The following BMX variants were observed in gnomAD, a reference collection of about 807,000 sequenced individuals.
BMX encodes the protein BMX non-receptor tyrosine kinase.
A neutral mutation model predicts 59.2 loss-of-function variants in BMX; 31 were observed. That is an observed-to-expected ratio of 0.52 (90% confidence interval 0.39 to 0.71). The LOEUF is 0.71. BMX is among the 30% of genes least tolerant of loss of function. BMX has a pLI of 0.00. For missense variants in BMX, 474 were observed against 491.7 expected, an observed-to-expected ratio of 0.96 and a Z score of 0.34; for synonymous variants, 185 against 181.0, an observed-to-expected ratio of 1.02 and a Z score of -0.18.
chrX:15,528,197 G>T (rs747158583), intron 9 of BMX, among the ~76,000 whole-genome samples: 1 of 112,212 alleles, frequency 8.9e-6, no homozygotes, highest in African/African-American at 3.2e-5. Context: ...TAGGGCTATA[G>T]GATCTGGGAC....
intron 12 of BMX, among the ~76,000 whole-genome samples, chrX:15,535,865 A>G (rs1043536353): frequency 8.9e-6 from 1 of 112,148 alleles, no homozygotes; most frequent in Non-Finnish European, 1.9e-5. Context: ...ATTAAATTTT[A>G]TAATTACTTT....
rs185160510 is a variant in BMX at position 15,504,140 on chromosome X, G to A, written c.-10+3200G>A. 8.6e-4 allele frequency among the ~76,000 whole-genome samples: 96 copies of A among 111,892 alleles called. 1 individual carries two copies. Among genetic ancestry groups the A allele is most frequent in the African/African-American group, 3.0e-3 (92 of 30,803 alleles). On this transcript the variant is annotated intron_variant, in intron 1 of 18. Coordinates refer to ENST00000348343, the MANE Select transcript of BMX (RefSeq NM_203281.3). ...AAATACCTTACTTGGCTACCTTAAG[G>A]AAAAAACAACTTTTCCTTCCTTGGA...
intron 18 of BMX, among the ~76,000 whole-genome samples, chrX:15,550,297 G>C (rs754793687): frequency 9.0e-6 from 1 of 111,367 alleles, no homozygotes; most frequent in South Asian, 3.8e-4. Flanking sequence ...AGTAAACAAG[G>C]ACTCAGAAAG....
chrX:15,546,949 C>T (rs200151739), intron 17 of BMX, 28 bp downstream of exon 17: 2 of 1,132,082 alleles, frequency 1.8e-6, no homozygotes, highest in Non-Finnish European at 2.4e-6. Flanking sequence ...TACGACCTGG[C>T]CCTGTTTCAT....
At position 15,541,958 on chromosome X, in the gene BMX, A is replaced by G. The variant is rs755067966; in HGVS notation, c.1395-24A>G. The G allele has an allele frequency of 4.5e-5, 53 of 1,180,052 alleles. 1 individual carries two copies. In the East Asian group the frequency reaches 1.5e-3, roughly 34 times the overall value. ...TAGAAAATGGAGTGTGGAGCATTGA[A>G]CTTTGAAAATCTGTTATTTCCAGGA... is the stretch of plus-strand genomic sequence containing the variant. On this transcript the variant is annotated intron_variant, in intron 14 of 18. Transcript: ENST00000348343.
intron 6 of BMX, among the ~76,000 whole-genome samples, chrX:15,519,494 A>G (rs1924340011): frequency 9.0e-6 from 1 of 111,431 alleles, no homozygotes; most frequent in Non-Finnish European, 1.9e-5. Context: ...AAATCCAATG[A>G]CTAGTAAGAT....
chrX:15,521,352 C>T (rs999271048), intron 6 of BMX, among the ~76,000 whole-genome samples: 43 of 111,834 alleles, frequency 3.8e-4, no homozygotes, highest in African/African-American at 8.4e-4. Context: ...TTGTGAGATT[C>T]GCTTATTTTT....
chrX:15,537,431 T>C (rs1925420136), intron 14 of BMX, 126 bp downstream of exon 14: 1 of 723,508 alleles, frequency 1.4e-6, no homozygotes, highest in Non-Finnish European at 2.0e-6. Flanking sequence ...GACATAAATA[T>C]TTAGAAGTTA....
chrX:15,523,769 C>T (rs1924582784), intron 7 of BMX, among the ~76,000 whole-genome samples: 1 of 111,588 alleles, frequency 9.0e-6, no homozygotes, highest in South Asian at 3.7e-4. Context: ...GCCCTGTTTT[C>T]AAATAACCAG....
At chrX:15,530,056 C>T in intron 10 of BMX, 29 bp downstream of exon 10, 1 of 1,175,248 alleles carries the variant, frequency 8.5e-7, no homozygotes, top group Non-Finnish European at 1.2e-6. Flanking sequence ...AAAACAGCCT[C>T]ACAGAATCTC....
In BMX at chrX:15,534,340, G is replaced by A; in HGVS notation, c.1147+1G>A. On this transcript the variant is annotated splice_donor_variant, in intron 12 of 18. Transcript: ENST00000348343. LOFTEE classifies it high-confidence loss of function. ...CATTATCATCAACACAATTCAGCAG[G>A]TAACTTATTTTAGTTTTTCTTTTAT... is the stretch of plus-strand genomic sequence containing the variant. The A allele has an allele frequency of 5.2e-6, 6 of 1,157,415 alleles. No individual in the cohort carries two copies. Among genetic ancestry groups the A allele is most frequent in the Non-Finnish European group, 6.9e-6 (6 of 872,075 alleles).
chrX:15,535,026 T>C (rs73635819), intron 12 of BMX, among the ~76,000 whole-genome samples: 6,498 of 111,488 alleles, frequency 0.058, 471 homozygotes, highest in African/African-American at 0.2. Context: ...CATAGCTCTG[T>C]CCATCTATAT....
Position 15,534,234 on chromosome X carries a change from C to T in BMX, c.1042C>T (p.His348Tyr), listed in dbSNP as rs866122314. The T allele has an allele frequency of 8.5e-7, 1 of 1,175,180 alleles. No homozygotes were observed. The highest frequency in any genetic ancestry group is 1.1e-6 in the Non-Finnish European group (1 of 875,168). The change falls in exon 12 of 19, where the codon CAT becomes TAT. Residue 348 changes from histidine to tyrosine, a missense_variant. His to Tyr is a moderately conservative substitution (Grantham distance 83). Transcript: ENST00000348343. ...TAGTGATAAAAAAGGAACTGTCAAA[C>T]ATTACCACGTGCATACAAATGCTGA... ...AVNDKKGTVKHYHVHTNAENK... is the reference protein window; with the variant it reads ...AVNDKKGTVKYYHVHTNAENK...
At chrX:15,524,771 T>C (rs186198089) in intron 7 of BMX, among the ~76,000 whole-genome samples, 2 of 111,373 alleles carry the variant, frequency 1.8e-5, no homozygotes, top group East Asian at 5.6e-4. Flanking sequence ...CTTTGAGAGG[T>C]AGGCACTTCT....
chrX:15,523,262 C>T (rs965725056), intron 7 of BMX, among the ~76,000 whole-genome samples: 16 of 112,133 alleles, frequency 1.4e-4, no homozygotes. Flanking sequence ...ATGTTGTCTA[C>T]TCTCTGCCAT....
intron 16 of BMX, among the ~76,000 whole-genome samples, chrX:15,545,001 C>T (rs760936780): frequency 6.3e-5 from 7 of 111,562 alleles, no homozygotes; most frequent in Admixed American, 1.9e-4. Context: ...AATTAAGAGT[C>T]ATTATGTGTT....
Position 15,522,441 on chromosome X carries a change from T to C in BMX, c.606T>C (p.Tyr202=). 1 of 1,212,241 alleles carries C rather than the reference T, an allele frequency of 8.2e-7. No homozygotes were observed. Among genetic ancestry groups the C allele is most frequent in the Non-Finnish European group, 1.1e-6 (1 of 895,570 alleles). Residue 202 remains tyrosine (Y), a synonymous_variant, in exon 7 of 19, where the codon TAT becomes TAC. Coordinates refer to ENST00000348343, the MANE Select transcript of BMX (RefSeq NM_203281.3). ...ATGACAACGAATCAAAGAAAAACTA[T>C]GGCTCCCAGCCACCATCTTCAAGTA... ...AQYDNESKKN[Y]GSQPPSSSTS...
chrX:15,554,800 A>G (rs899007254), intron 18 of BMX, among the ~76,000 whole-genome samples: 30 of 111,805 alleles, frequency 2.7e-4, no homozygotes, highest in African/African-American at 9.1e-4. Flanking sequence ...ATTTATTAAA[A>G]GACCATCTTA....
chrX:15,508,209 C>A, intron 1 of BMX, 136 bp from the exon 2 acceptor site: 1 of 372,842 alleles, frequency 2.7e-6, no homozygotes, highest in Non-Finnish European at 4.4e-6. Context: ...ATTCTATAAT[C>A]CTACATCAGT....
Sources: gnomAD v4.1 joint callset for allele counts (sites outside exome capture counted in the v4.1 genomes callset) on GRCh38, gnomAD v4.1.1 for gene constraint, MANE v1.5 for transcripts, NCBI Gene and HGNC (gene_info 2026-07-23, HGNC 2026-07-21) for gene names.